The following DPP10 variants were observed in gnomAD, a reference collection of about 807,000 sequenced individuals.
The protein encoded by DPP10 is inactive dipeptidyl peptidase 10.
In DPP10, 33 loss-of-function variants were observed where a neutral mutation model predicts 120.9. The ratio of observed to expected loss-of-function variants is 0.27; its 90% CI spans 0.21 to 0.37. The LOEUF is 0.37. Among genes scored for constraint, DPP10 ranks in the 10% least tolerant of loss-of-function variants. The probability of loss-of-function intolerance (pLI) is 1.00; values close to 1 mark genes in which losing one functional copy is unlikely to be tolerated. For synonymous variants in DPP10, 337 were observed against 326.1 expected (o/e 1.03, Z -0.36); for missense variants, 816 against 942.8 (o/e 0.87, Z 1.76).
intron 1 of DPP10, among the ~76,000 whole-genome samples, chr2:114,895,393 ATATTGCAAC>A (rs1269744051): frequency 6.6e-6 from 1 of 152,188 alleles, no homozygotes; most frequent in African/African-American, 2.4e-5. Flanking sequence ...TCTCAGCCTT[ATATTGCAAC>A]TAGGTGAGTC....
At chr2:115,210,522 G>A (rs2056440241) in intron 1 of DPP10, among the ~76,000 whole-genome samples, 1 of 152,082 alleles carries the variant, frequency 6.6e-6, no homozygotes, top group Non-Finnish European at 1.5e-5. Flanking sequence ...ATAATCCTTT[G>A]GGTGTATACC....
intron 1 of DPP10, among the ~76,000 whole-genome samples, chr2:114,915,048 G>A (rs760244651): frequency 4.2e-4 from 64 of 152,080 alleles, no homozygotes; most frequent in Middle Eastern, 3.4e-3. Flanking sequence ...GGAGAATGGC[G>A]TGAACCCGGG....
intron 1 of DPP10, among the ~76,000 whole-genome samples, chr2:114,919,746 G>A (rs879137660): frequency 6.6e-6 from 1 of 152,150 alleles, no homozygotes; most frequent in Admixed American, 6.5e-5. Context: ...TATTCTGATA[G>A]TTGACTGGCA....
At chr2:115,639,381 C>G (rs1434444012) in intron 5 of DPP10, among the ~76,000 whole-genome samples, 1 of 152,086 alleles carries the variant, frequency 6.6e-6, no homozygotes, top group Non-Finnish European at 1.5e-5. Context: ...TTCCTTATAA[C>G]CTAGGACAAT....
At position 114,442,841 on chromosome 2, in the gene DPP10, A is replaced by G; in HGVS notation, c.60+3A>G. On this transcript the variant is annotated splice_donor_region_variant and intron_variant, in intron 1 of 25. Coordinates refer to ENST00000410059, the MANE Select transcript of DPP10 (RefSeq NM_020868.6). ...GTCAACCCTCAAAAACAATCAAGGT[A>G]GGATCTGGTTTTTCCCTCTGCTTCT... The G allele has an allele frequency of 6.2e-7, 1 of 1,613,286 alleles. No individual in the cohort carries two copies. Among genetic ancestry groups the G allele is most frequent in the Non-Finnish European group, 8.5e-7 (1 of 1,179,474 alleles).
At chr2:114,831,806 A>G (rs575318447) in intron 1 of DPP10, among the ~76,000 whole-genome samples, 16 of 150,180 alleles carry the variant, frequency 1.1e-4, no homozygotes, top group African/African-American at 3.9e-4. Flanking sequence ...AAGACTGGTT[A>G]TGTGTCTATA....
At position 115,447,495 on chromosome 2, in the gene DPP10, T is replaced by C. The variant is rs572510025; in HGVS notation, c.272-52015T>C. 2.6e-5 allele frequency among the ~76,000 whole-genome samples: 4 copies of C among 152,278 alleles called. No individual in the cohort carries two copies. In the South Asian group the frequency reaches 8.3e-4, roughly 32 times the overall value. Reference sequence around the variant, plus strand: ...TGGAATGATATGGTTTGTCCCTGTGTTCCTACCCAAATCTCATCTCAAATA... The same window carrying C: ...TGGAATGATATGGTTTGTCCCTGTGCTCCTACCCAAATCTCATCTCAAATA... On this transcript the variant is annotated intron_variant, in intron 3 of 25. Coordinates refer to ENST00000410059, the MANE Select transcript of DPP10 (RefSeq NM_020868.6).
intron 1 of DPP10, among the ~76,000 whole-genome samples, chr2:114,662,315 C>G (rs1181097617): frequency 6.6e-6 from 1 of 152,198 alleles, no homozygotes; most frequent in African/African-American, 2.4e-5. Flanking sequence ...CTCCTCGGCA[C>G]GCGGGCCTCC....
At chr2:115,064,763 C>T in intron 1 of DPP10, 1 of 1,303,934 alleles carries the variant, frequency 7.7e-7, no homozygotes, top group Non-Finnish European at 1.0e-6. Flanking sequence ...TAGCAATGGT[C>T]ATCACAGAGG....
intron 1 of DPP10, among the ~76,000 whole-genome samples, chr2:115,011,804 A>G (rs1007863747): frequency 2.6e-5 from 4 of 152,086 alleles, no homozygotes; most frequent in African/African-American, 7.2e-5. Context: ...AAAGAATTGG[A>G]TCATTGCTGC....
intron 1 of DPP10, among the ~76,000 whole-genome samples, chr2:115,249,196 C>G (rs10185352): frequency 0.19 from 28,612 of 151,940 alleles, 3,006 homozygotes; most frequent in East Asian, 0.36. Flanking sequence ...AGTGTCTATT[C>G]TATTTAATTA....
intron 1 of DPP10, among the ~76,000 whole-genome samples, chr2:115,117,350 T>A (rs1401656858): frequency 6.6e-6 from 1 of 152,218 alleles, no homozygotes; most frequent in Admixed American, 6.5e-5. Flanking sequence ...AAACAGCAAT[T>A]TTACCAGCCA....
intron 1 of DPP10, chr2:114,461,909 T>C: frequency 1.0e-6 from 1 of 985,334 alleles, no homozygotes; most frequent in Non-Finnish European, 1.2e-6. Flanking sequence ...AGATGAGAGC[T>C]GCGTGGAGCT....
At chr2:114,990,404 A>G (rs1700688718) in intron 1 of DPP10, among the ~76,000 whole-genome samples, 1 of 140,918 alleles carries the variant, frequency 7.1e-6, no homozygotes, top group Admixed American at 7.0e-5. Flanking sequence ...TCTATTATCT[A>G]TCTAATCTAT....
chr2:115,270,199 C>T (rs556398993), intron 1 of DPP10, among the ~76,000 whole-genome samples: 1 of 152,042 alleles, frequency 6.6e-6, no homozygotes, highest in East Asian at 1.9e-4. Flanking sequence ...TAGTCACTCT[C>T]TGGGAAAGCT....
intron 3 of DPP10, among the ~76,000 whole-genome samples, chr2:115,390,119 A>G (rs558365914): frequency 6.6e-6 from 1 of 152,294 alleles, no homozygotes; most frequent in Non-Finnish European, 1.5e-5. Flanking sequence ...TACAGTGACT[A>G]TCCCCTTGTA....
chr2:115,389,978 C>T (rs149341233), intron 3 of DPP10, among the ~76,000 whole-genome samples: 3 of 152,100 alleles, frequency 2.0e-5, no homozygotes, highest in African/African-American at 4.8e-5. Context: ...TAGGCAGGAT[C>T]GTGAGGGCAT....
At position 114,776,124 on chromosome 2, in the gene DPP10, T is replaced by C. The variant is rs543548989; in HGVS notation, c.60+333286T>C. The stretch of plus-strand genomic sequence containing the variant: ...ATACACTGATTTTTAGATATAGCTC[T>C]AGATAAAAATAAAGAGACAAAGTGT... On this transcript the variant is annotated intron_variant, in intron 1 of 25. Coordinates refer to ENST00000410059, the MANE Select transcript of DPP10 (RefSeq NM_020868.6). Among the ~76,000 whole-genome samples, 13 of 152,284 alleles carry C rather than the reference T, an allele frequency of 8.5e-5. No individual in the cohort carries two copies. In the South Asian group the frequency reaches 2.5e-3, roughly 29 times the overall value.
At chr2:115,496,057 A>T (rs1208802916) in intron 3 of DPP10, among the ~76,000 whole-genome samples, 1 of 152,132 alleles carries the variant, frequency 6.6e-6, no homozygotes, top group African/African-American at 2.4e-5. Context: ...ATGAAGGATC[A>T]CTATTAGTCT....
Sources: gnomAD v4.1 joint callset for allele counts (sites outside exome capture counted in the v4.1 genomes callset) on GRCh38, gnomAD v4.1.1 for gene constraint, MANE v1.5 for transcripts, NCBI Gene and HGNC (gene_info 2026-07-23, HGNC 2026-07-21) for gene names.